FAM81A: variants seen among roughly 807,000 people sequenced by gnomAD.
FAM81A encodes protein FAM81A.
In FAM81A, 19 loss-of-function variants were observed where a neutral mutation model predicts 46.7. That is an observed-to-expected ratio of 0.41 (90% CI 0.28 to 0.60). The LOEUF is 0.60. FAM81A is among the 20% of genes least tolerant of loss of function. FAM81A has a pLI of 0.34. For missense variants in FAM81A, 377 were observed against 453.5 expected (o/e 0.83, Z 1.53); for synonymous variants, 183 against 152.9 (o/e 1.20, Z -1.45).
At position 59,507,196 on chromosome 15, in the gene FAM81A, G is replaced by C; in HGVS notation, c.414-17G>C. The C allele has an allele frequency of 6.2e-7, 1 of 1,604,348 alleles. No individual in the cohort carries two copies. Among genetic ancestry groups the C allele is most frequent in the Non-Finnish European group, 8.5e-7 (1 of 1,175,274 alleles). ...TTAAACTTTAATAAGAATCAGCTTT[G>C]TTCTTTGTCTGGACAGATGTGATGC... is the stretch of plus-strand genomic sequence containing the variant. On this transcript the variant is annotated splice_polypyrimidine_tract_variant and intron_variant, in intron 4 of 8. Coordinates refer to ENST00000288228, the MANE Select transcript of FAM81A (RefSeq NM_152450.3).
At chr15:59,454,765 A>G (rs1184995233) in intron 1 of FAM81A, among the ~76,000 whole-genome samples, 1 of 151,926 alleles carries the variant, frequency 6.6e-6, no homozygotes, top group Non-Finnish European at 1.5e-5. Flanking sequence ...AGCTGGGACT[A>G]CAGATGCATG....
At chr15:59,520,646 G>A (rs1029831366) in intron 8 of FAM81A, among the ~76,000 whole-genome samples, 3 of 148,372 alleles carry the variant, frequency 2.0e-5, no homozygotes, top group African/African-American at 5.0e-5. Context: ...TCACTGCAAC[G>A]TCCGCTTCCT....
intron 8 of FAM81A, among the ~76,000 whole-genome samples, chr15:59,518,777 CT>C (rs560881477): frequency 1.4e-3 from 208 of 150,552 alleles, no homozygotes; most frequent in African/African-American, 4.7e-3. Context: ...AGTCTAGTGT[CT>C]TTTTTTTTCT....
chr15:59,410,894 G>A lies in FAM81A; in HGVS notation c.-78+8536G>A, dbSNP rs141679376. On this transcript the variant is annotated intron_variant, in intron 2 of 4. Transcript: ENST00000558348. ...GCCTCCTGAATAGCTGGGATTACAG[G>A]CATGCGTCACCACACCCAGCTAATT... 7.0e-3 allele frequency among the ~76,000 whole-genome samples: 1,061 copies of A among 152,146 alleles called. 15 individuals carry two copies. The highest frequency in any genetic ancestry group is 0.024 in the African/African-American group (1,005 of 41,506).
intron 2 of FAM81A, among the ~76,000 whole-genome samples, chr15:59,412,442 C>G (rs538780743): frequency 2.6e-5 from 4 of 152,096 alleles, no homozygotes; most frequent in African/African-American, 2.4e-5. Flanking sequence ...AATAGTGTTA[C>G]AAGCCGGGCA....
intron 1 of FAM81A, among the ~76,000 whole-genome samples, chr15:59,456,636 C>T (rs779136746): frequency 6.6e-6 from 1 of 152,014 alleles, no homozygotes; most frequent in Non-Finnish European, 1.5e-5. Context: ...AGTGCAGTGG[C>T]GCTATCATGG....
chr15:59,494,941 C>T (rs1272494858), intron 4 of FAM81A, among the ~76,000 whole-genome samples: 2 of 152,130 alleles, frequency 1.3e-5, no homozygotes, highest in African/African-American at 4.8e-5. Flanking sequence ...ACACATTTAG[C>T]TCATGTGGCA....
At chr15:59,412,590 G>T (rs1374529433) in intron 2 of FAM81A, among the ~76,000 whole-genome samples, 1 of 152,112 alleles carries the variant, frequency 6.6e-6, no homozygotes, top group African/African-American at 2.4e-5. Flanking sequence ...AGCTTGGCGT[G>T]GTGGTATGCG....
At chr15:59,486,557 T>C (rs2081919140) in intron 3 of FAM81A, among the ~76,000 whole-genome samples, 1 of 152,058 alleles carries the variant, frequency 6.6e-6, no homozygotes, top group African/African-American at 2.4e-5. Flanking sequence ...ACAAGAAGGT[T>C]ATAGAACACC....
Position 59,407,409 on chromosome 15 carries a change from C to G in FAM81A, c.-78+5051C>G, listed in dbSNP as rs1485126885. ...TCCTGGGTTCACGCTATTCTCCTGC[C>G]TCAGCCTCCCCAGTATCTGGGACTA... On this transcript the variant is annotated intron_variant, in intron 2 of 4. Coordinates refer to the FAM81A transcript ENST00000558348. 4.6e-5 allele frequency among the ~76,000 whole-genome samples: 7 copies of G among 151,204 alleles called. No homozygotes were observed. The Admixed American group carries it at 4.7e-4, about 10-fold the overall frequency.
intron 6 of FAM81A, among the ~76,000 whole-genome samples, chr15:59,511,075 A>G (rs1300238162): frequency 6.6e-6 from 1 of 152,134 alleles, no homozygotes; most frequent in Non-Finnish European, 1.5e-5. Context: ...CAGCCTGGGC[A>G]ACAGAGCGAG....
At chr15:59,448,022 G>A (rs997326639) in intron 1 of FAM81A, among the ~76,000 whole-genome samples, 4 of 152,158 alleles carry the variant, frequency 2.6e-5, no homozygotes, top group Admixed American at 1.3e-4. Context: ...GGAAGAGGGA[G>A]GAGCAAGAGG....
chr15:59,429,299 C>G (rs1567040949), intron 2 of FAM81A, among the ~76,000 whole-genome samples: 1 of 151,994 alleles, frequency 6.6e-6, no homozygotes, highest in Non-Finnish European at 1.5e-5. Flanking sequence ...TTTACTTTGC[C>G]AGGTTTCTGG....
chr15:59,448,222 C>G (rs1596477763), intron 1 of FAM81A, among the ~76,000 whole-genome samples: 1 of 152,000 alleles, frequency 6.6e-6, no homozygotes, highest in South Asian at 2.1e-4. Flanking sequence ...ACTAAAAATA[C>G]AAAAATTAGC....
chr15:59,446,045 T>A (rs1397905623), intron 1 of FAM81A, among the ~76,000 whole-genome samples: 1 of 152,138 alleles, frequency 6.6e-6, no homozygotes, highest in African/African-American at 2.4e-5. Context: ...AACTCAACAA[T>A]GAAAACAGTG....
chr15:59,465,743 C>T (rs570976339), intron 3 of FAM81A, among the ~76,000 whole-genome samples: 4 of 152,066 alleles, frequency 2.6e-5, no homozygotes, highest in East Asian at 1.9e-4. Flanking sequence ...ATGCGCACAA[C>T]GTGCAGGTTT....
intron 2 of FAM81A, among the ~76,000 whole-genome samples, chr15:59,411,923 T>C (rs1487691471): frequency 1.3e-5 from 2 of 152,192 alleles, no homozygotes; most frequent in African/African-American, 4.8e-5. Context: ...TTAATCTTTA[T>C]TTGTCTTAGG....
At chr15:59,499,298 A>G (rs2082066268) in intron 4 of FAM81A, among the ~76,000 whole-genome samples, 1 of 152,124 alleles carries the variant, frequency 6.6e-6, no homozygotes, top group Non-Finnish European at 1.5e-5. Context: ...CCTTACCCCC[A>G]ATACAGCTTT....
chr15:59,463,728 A>G (rs957444083), intron 3 of FAM81A, among the ~76,000 whole-genome samples: 19 of 99,632 alleles, frequency 1.9e-4, no homozygotes, highest in African/African-American at 4.8e-4. Flanking sequence ...TAATGTATAG[A>G]TCCATTTGGG....
Sources: allele counts gnomAD v4.1 joint callset (sites outside exome capture counted in the v4.1 genomes callset), GRCh38; gene constraint gnomAD v4.1.1; transcripts MANE v1.5; gene names NCBI Gene and HGNC (gene_info 2026-07-23, HGNC 2026-07-21).